The following TMEM156 variants were observed in gnomAD, a reference collection of about 807,000 sequenced individuals.
The protein encoded by TMEM156 is transmembrane protein 156.
A neutral mutation model predicts 30.5 loss-of-function variants in TMEM156; 28 were observed. The ratio of observed to expected loss-of-function variants is 0.92; its 90% CI spans 0.68 to 1.26. TMEM156 has a LOEUF of 1.26. TMEM156 is among the 50% of genes most tolerant of loss of function. The pLI is 0.00. For missense variants in TMEM156, 351 were observed against 340.6 expected (o/e 1.03, Z -0.24); for synonymous variants, 137 against 119.9 (o/e 1.14, Z -0.93).
At chr4:38,978,431 C>G (rs1013456562) in intron 5 of TMEM156, among the ~76,000 whole-genome samples, 1 of 152,072 alleles carries the variant, frequency 6.6e-6, no homozygotes, top group Non-Finnish European at 1.5e-5. Flanking sequence ...GTTTTATTCC[C>G]CAGAACCTAC....
chr4:39,000,005 A>C (rs2109982377), intron 1 of TMEM156, among the ~76,000 whole-genome samples: 1 of 152,328 alleles, frequency 6.6e-6, no homozygotes, highest in Non-Finnish European at 1.5e-5. Context: ...GAAATTTAAC[A>C]AGATGACAGC....
At chr4:38,980,713 CTTCG>C (rs1394828717) in intron 5 of TMEM156, among the ~76,000 whole-genome samples, 2 of 152,134 alleles carry the variant, frequency 1.3e-5, no homozygotes, top group African/African-American at 4.8e-5. Context: ...TCTGAAACAA[CTTCG>C]TTAGTTAAGC....
intron 2 of TMEM156, among the ~76,000 whole-genome samples, chr4:38,997,679 TTTTA>T (rs1713028231): frequency 6.6e-6 from 1 of 152,262 alleles, no homozygotes; most frequent in African/African-American, 2.4e-5. Context: ...AATGATCCAT[TTTTA>T]TTTGATTTAA....
chr4:38,969,931 A>T (rs931043468), intron 6 of TMEM156, among the ~76,000 whole-genome samples: 1 of 152,160 alleles, frequency 6.6e-6, no homozygotes. Flanking sequence ...CAGTAGCGGG[A>T]TTGCTGAATG....
chr4:39,025,168 G>A (rs1417771445), intron 1 of TMEM156, among the ~76,000 whole-genome samples: 1 of 151,864 alleles, frequency 6.6e-6, no homozygotes, highest in East Asian at 1.9e-4. Context: ...GGATAACATG[G>A]CAAAACCCTG....
intron 1 of TMEM156, among the ~76,000 whole-genome samples, chr4:39,018,850 G>A (rs200717744): frequency 9.2e-5 from 14 of 151,810 alleles, no homozygotes; most frequent in African/African-American, 3.1e-4. Flanking sequence ...GTGAAACCCC[G>A]TCTCTACTAA....
intron 1 of TMEM156, among the ~76,000 whole-genome samples, chr4:39,027,001 T>TTA (rs1376312734): frequency 1.3e-5 from 2 of 152,336 alleles, no homozygotes; most frequent in East Asian, 1.9e-4. Context: ...CCATCTAGTT[T>TTA]TATTCCTTCT....
rs531555764 is a variant in TMEM156 at position 39,024,648 on chromosome 4, C to G, written c.88+7578G>C. ...GATGAGAACACATAGAGGGGAAAAACAGACACTGGGGCCTACCAGAGGGTA... is the reference window on the plus strand; with the variant it reads ...GATGAGAACACATAGAGGGGAAAAAGAGACACTGGGGCCTACCAGAGGGTA... On this transcript the variant is annotated intron_variant, in intron 1 of 6. Transcript: ENST00000381938. 5.9e-5 allele frequency among the ~76,000 whole-genome samples: 9 copies of G among 152,180 alleles called. No homozygotes were observed. In the South Asian group the frequency reaches 1.9e-3, roughly 32 times the overall value.
At chr4:39,026,037 T>C (rs1354228477) in intron 1 of TMEM156, among the ~76,000 whole-genome samples, 2 of 152,208 alleles carry the variant, frequency 1.3e-5, no homozygotes, top group Admixed American at 1.3e-4. Context: ...ACTCTCTTAA[T>C]TGCTTGAAAC....
intron 1 of TMEM156, among the ~76,000 whole-genome samples, chr4:39,026,854 G>A (rs1177768936): frequency 1.3e-5 from 2 of 152,036 alleles, no homozygotes; most frequent in African/African-American, 4.8e-5. Context: ...TTGAACCCTG[G>A]GGTTGGAGGT....
intron 1 of TMEM156, among the ~76,000 whole-genome samples, chr4:39,007,745 C>T (rs978053424): frequency 1.3e-5 from 2 of 152,202 alleles, no homozygotes; most frequent in African/African-American, 4.8e-5. Context: ...GCATGAGCCA[C>T]TGCACCCAGC....
chr4:38,969,122 A>G (rs1371987403), intron 6 of TMEM156, among the ~76,000 whole-genome samples: 1 of 152,240 alleles, frequency 6.6e-6, no homozygotes, highest in Non-Finnish European at 1.5e-5. Flanking sequence ...TTGTGTAATT[A>G]TAGTCACGCT....
At chr4:38,998,932 C>A in intron 1 of TMEM156, 23 bp from the exon 2 acceptor site, 1 of 1,582,148 alleles carries the variant, frequency 6.3e-7, no homozygotes, top group Non-Finnish European at 8.6e-7. Flanking sequence ...AAGAAAAACA[C>A]TTTCTTTACT....
intron 5 of TMEM156, among the ~76,000 whole-genome samples, chr4:38,985,595 T>C (rs1356483463): frequency 2.0e-5 from 3 of 152,180 alleles, no homozygotes; most frequent in African/African-American, 4.8e-5. Flanking sequence ...GAAGCTTCCT[T>C]TTTTTTCTAA....
At chr4:39,003,416 C>A (rs575766846) in intron 1 of TMEM156, among the ~76,000 whole-genome samples, 2 of 152,164 alleles carry the variant, frequency 1.3e-5, no homozygotes, top group East Asian at 3.9e-4. Flanking sequence ...CTCACTGCAA[C>A]CTCTTCCTCC....
chr4:39,021,535 T>C (rs1714868209), intron 1 of TMEM156, among the ~76,000 whole-genome samples: 1 of 152,250 alleles, frequency 6.6e-6, no homozygotes, highest in East Asian at 1.9e-4. Flanking sequence ...GAATTCCTTA[T>C]ATATTTTGGA....
Position 39,032,232 on chromosome 4 carries a change from G to A in TMEM156, c.82C>T (p.Pro28Ser), listed in dbSNP as rs367661191. 6 of 1,588,156 alleles carry A rather than the reference G, an allele frequency of 3.8e-6. No individual in the cohort carries two copies. The South Asian group carries it at 4.5e-5, about 12-fold the overall frequency. ...ATTACAATTATATACTCACCTTTCG[G>A]TGTCTTGAAATATTCCGGCAAAATT... is the stretch of plus-strand genomic sequence containing the variant. ...ILILPEYFKT[P>S]KERTLELSCL... Residue 28 changes from proline to serine, a missense_variant, in exon 1 of 7, where the codon CCG becomes TCG. By Grantham distance (74) the Pro-to-Ser change is moderately conservative. Coordinates refer to ENST00000381938, the MANE Select transcript of TMEM156 (RefSeq NM_024943.3).
chr4:38,981,756 G>A (rs1353792700), intron 5 of TMEM156, among the ~76,000 whole-genome samples: 1 of 152,162 alleles, frequency 6.6e-6, no homozygotes, highest in Non-Finnish European at 1.5e-5. Context: ...CATACGGAAG[G>A]TGCTTAATGA....
intron 5 of TMEM156, among the ~76,000 whole-genome samples, chr4:38,975,499 C>G (rs1722808391): frequency 6.6e-6 from 1 of 151,334 alleles, no homozygotes; most frequent in African/African-American, 2.4e-5. Context: ...TCTCATACCT[C>G]AGACTCCCGA....
Sources: allele counts gnomAD v4.1 joint callset (sites outside exome capture counted in the v4.1 genomes callset), GRCh38; gene constraint gnomAD v4.1.1; transcripts MANE v1.5; gene names NCBI Gene and HGNC (gene_info 2026-07-23, HGNC 2026-07-21).